The following THADA variants were observed in gnomAD, a reference collection of about 807,000 sequenced individuals.
The protein encoded by THADA is THADA armadillo repeat containing, also known as tRNA (32-2'-O)-methyltransferase regulator THADA.
THADA carries 213 observed loss-of-function variants against 219.8 expected under a neutral mutation model. That is an observed-to-expected ratio of 0.97 (90% CI 0.87 to 1.09). The LOEUF (loss-of-function observed/expected upper bound fraction) is 1.09, where lower values mean the gene tolerates loss of function less well. Ranked by LOEUF, THADA falls within the 50% of genes least tolerant of loss-of-function variation. THADA has a pLI of 0.00. For missense variants in THADA, 2,956 were observed against 2,311.3 expected (o/e 1.28, Z -5.72); for synonymous variants, 1,018 against 828.9 (o/e 1.23, Z -3.92).
intron 8 of THADA, among the ~76,000 whole-genome samples, chr2:43,579,997 A>G: frequency 6.6e-6 from 1 of 151,462 alleles, no homozygotes; most frequent in Non-Finnish European, 1.5e-5. Context: ...ATTAGGTGCC[A>G]TCAACTTTTC....
intron 29 of THADA, among the ~76,000 whole-genome samples, chr2:43,396,684 G>A (rs114014715): frequency 0.078 from 11,823 of 151,924 alleles, 619 homozygotes; most frequent in Middle Eastern, 0.12. Flanking sequence ...GGTGCAGGCT[G>A]CTTGTAATCC....
chr2:43,477,869 G>T (rs933294578), intron 26 of THADA, among the ~76,000 whole-genome samples: 8 of 152,160 alleles, frequency 5.3e-5, no homozygotes, highest in Admixed American at 5.2e-4. Context: ...CATGTACAAT[G>T]TGTGTTCCAA....
chr2:43,591,927 T>A (rs1188592339), intron 3 of THADA, 25 bp downstream of exon 3: 2 of 1,440,040 alleles, frequency 1.4e-6, no homozygotes, highest in Non-Finnish European at 9.3e-7. Context: ...TAAAGATGCA[T>A]CCATGAATAT....
intron 26 of THADA, among the ~76,000 whole-genome samples, chr2:43,443,087 T>C (rs1266406803): frequency 6.6e-6 from 1 of 152,180 alleles, no homozygotes; most frequent in African/African-American, 2.4e-5. Context: ...AACTTCCTGT[T>C]TTCTTGCTTA....
intron 25 of THADA, 118 bp from the exon 26 acceptor site, chr2:43,485,443 AAGAC>A: frequency 1.4e-6 from 1 of 708,978 alleles, no homozygotes; most frequent in Non-Finnish European, 2.4e-6. Flanking sequence ...TGAGGCTAAA[AAGAC>A]AGATTTGTGT....
At chr2:43,427,197 T>C (rs191089865) in intron 28 of THADA, among the ~76,000 whole-genome samples, 3 of 152,026 alleles carry the variant, frequency 2.0e-5, no homozygotes, top group Non-Finnish European at 2.9e-5. Flanking sequence ...TCTTCCAGAG[T>C]GAAGAGGCAG....
At chr2:43,399,385 G>T (rs762070935) in intron 28 of THADA, among the ~76,000 whole-genome samples, 1 of 152,208 alleles carries the variant, frequency 6.6e-6, no homozygotes, top group Admixed American at 6.5e-5. Context: ...GGCTCAGTAA[G>T]TAGAGGGACA....
intron 29 of THADA, among the ~76,000 whole-genome samples, chr2:43,381,097 C>CAAAAAAAAAAA (rs58711910): frequency 3.7e-5 from 2 of 54,402 alleles, no homozygotes; most frequent in African/African-American, 1.7e-4. Context: ...GAGACTTTGT[C>CAAAAAAAAAAA]AAAAAAAAAA....
At chr2:43,250,951 G>A (rs1344964628) in intron 36 of THADA, among the ~76,000 whole-genome samples, 1 of 152,084 alleles carries the variant, frequency 6.6e-6, no homozygotes, top group Admixed American at 6.5e-5. Flanking sequence ...GGGAGGTGAG[G>A]GGTGGACAGA....
chr2:43,355,282 C>G (rs1448355161), intron 29 of THADA, among the ~76,000 whole-genome samples: 1 of 152,126 alleles, frequency 6.6e-6, no homozygotes, highest in Non-Finnish European at 1.5e-5. Context: ...ATATGGTATT[C>G]TAGTTTTGCT....
chr2:43,407,241 G>A lies in THADA; in HGVS notation c.4059-9102C>T, dbSNP rs190813278. On this transcript the variant is annotated intron_variant, in intron 28 of 37. Coordinates refer to ENST00000405975, the MANE Select transcript of THADA (RefSeq NM_022065.5). The stretch of plus-strand genomic sequence containing the variant: ...TTTTCAGTTCACAAACACAGGAATG[G>A]GTAGTCATTTTAAGACACTACACAA... Among the ~76,000 whole-genome samples, 879 of 152,148 alleles carry A rather than the reference G, an allele frequency of 5.8e-3. 3 individuals carry two copies. The highest frequency in any genetic ancestry group is 9.4e-3 in the Non-Finnish European group (640 of 68,010).
chr2:43,486,425 A>G lies in THADA; in HGVS notation c.3745-1100T>C, dbSNP rs1443880201. ...TCTGTAAAAATCGGTGTAGAGATAT[A>G]TATGTACTCACCTTGCTACAGTGTG... On this transcript the variant is annotated intron_variant, in intron 25 of 37. Coordinates refer to ENST00000405975, the MANE Select transcript of THADA (RefSeq NM_022065.5). The G allele has an allele frequency of 3.3e-5, 5 of 152,294 alleles. No homozygotes were observed. The East Asian group carries it at 5.8e-4, about 18-fold the overall frequency. The allele number at this position is 152,294 out of a possible 1,614,324, so 9.4% of individuals were successfully genotyped here. A position where few individuals can be genotyped will look rare whatever the true frequency, so the allele number is the denominator to read the frequency against.
chr2:43,552,322 C>T lies in THADA; in HGVS notation c.2692G>A (p.Glu898Lys), dbSNP rs1696846178. The T allele has an allele frequency of 1.1e-5, 18 of 1,592,268 alleles. No homozygotes were observed. Among genetic ancestry groups the T allele is most frequent in the Non-Finnish European group, 1.5e-5 (18 of 1,174,054 alleles). The change falls in exon 18 of 38, where the codon GAA becomes AAA. Residue 898 changes from glutamate to lysine, a missense_variant. Physicochemically the swap from Glu to Lys is moderately conservative, Grantham distance 56. Coordinates refer to ENST00000405975, the MANE Select transcript of THADA (RefSeq NM_022065.5). ...TGAGATACTTCTTCCTCAAGATTTTCCATCAAGCATTTGATAACTAGAAAA... is the reference window on the plus strand; with the variant it reads ...TGAGATACTTCTTCCTCAAGATTTTTCATCAAGCATTTGATAACTAGAAAA... ...NTLMVIKCLM[E>K]NLEEEVSQAE...
chr2:43,324,037 C>T (rs1036707599), intron 30 of THADA, among the ~76,000 whole-genome samples: 5 of 152,170 alleles, frequency 3.3e-5, no homozygotes, highest in African/African-American at 1.2e-4. Flanking sequence ...TGACTGCCTG[C>T]TCCCATGTGG....
chr2:43,391,170 T>C (rs1573421401), intron 29 of THADA, among the ~76,000 whole-genome samples: 1 of 152,174 alleles, frequency 6.6e-6, no homozygotes, highest in African/African-American at 2.4e-5. Context: ...ATACATCACA[T>C]ACACACACAC....
At chr2:43,322,270 G>A (rs575357141) in intron 30 of THADA, among the ~76,000 whole-genome samples, 1 of 152,082 alleles carries the variant, frequency 6.6e-6, no homozygotes, top group East Asian at 1.9e-4. Context: ...TTGGGAGGCT[G>A]AGGTGGGTGG....
intron 28 of THADA, among the ~76,000 whole-genome samples, chr2:43,407,124 C>A (rs983075154): frequency 3.3e-5 from 5 of 152,146 alleles, no homozygotes; most frequent in African/African-American, 1.2e-4. Context: ...GTGTTGACTG[C>A]TCAAAGGCCA....
At chr2:43,340,794 G>C (rs906436784) in intron 30 of THADA, among the ~76,000 whole-genome samples, 13 of 152,256 alleles carry the variant, frequency 8.5e-5, no homozygotes, top group African/African-American at 3.1e-4. Context: ...TATCTTCATG[G>C]GAAAGGCAGG....
chr2:43,292,197 T>A lies in THADA; in HGVS notation c.4844A>T (p.Asp1615Val), dbSNP rs774651058. 9 of 1,609,646 alleles carry A rather than the reference T, an allele frequency of 5.6e-6. No individual in the cohort carries two copies. The highest frequency in any genetic ancestry group is 6.8e-6 in the Non-Finnish European group (8 of 1,178,372). The change falls in exon 33 of 38, where the codon GAC (aspartate) becomes GTC (valine). Residue 1615 changes from aspartate (D) to valine (V), a missense_variant. By Grantham distance (152) the Asp-to-Val change is radical. Coordinates refer to ENST00000405975, the MANE Select transcript of THADA (RefSeq NM_022065.5). The part of the protein sequence containing the change: ...CKILKILHCM[D>V]PGEWLPQTEH... ...CGTCTGGGGAAGCCACTCACCAGGG[T>A]CCATGCAGTGGAGAATTTTCAGTAT...
Sources: gnomAD v4.1 joint callset for allele counts (sites outside exome capture counted in the v4.1 genomes callset) on GRCh38, gnomAD v4.1.1 for gene constraint, MANE v1.5 for transcripts, NCBI Gene and HGNC (gene_info 2026-07-23, HGNC 2026-07-21) for gene names.